The following PYM1 variants were observed in gnomAD, a reference collection of about 807,000 sequenced individuals.
PYM1 encodes the protein PYM1 exon junction complex associated factor.
PYM1 carries 7 observed loss-of-function variants against 20.7 expected under a neutral mutation model. That is an observed-to-expected ratio of 0.34 (90% CI 0.19 to 0.64). The LOEUF (loss-of-function observed/expected upper bound fraction) is 0.64. Ranked by LOEUF, PYM1 falls within the 30% of genes least tolerant of loss-of-function variation. The pLI, the probability that PYM1 is intolerant of heterozygous loss-of-function variation, is 0.74. For missense variants in PYM1, 194 were observed against 250.0 expected, an observed-to-expected ratio of 0.78 and a Z score of 1.51; for synonymous variants, 100 against 99.2, an observed-to-expected ratio of 1.01 and a Z score of -0.05.
intron 2 of PYM1, among the ~76,000 whole-genome samples, chr12:55,902,816 A>G (rs903165359): frequency 1.3e-4 from 17 of 133,844 alleles, no homozygotes; most frequent in African/African-American, 4.9e-4. Flanking sequence ...GCCAGGGCTG[A>G]AGTGCACTGG....
intron 1 of PYM1, among the ~76,000 whole-genome samples, chr12:55,905,164 G>A (rs967240145): frequency 2.7e-5 from 4 of 149,548 alleles, no homozygotes; most frequent in African/African-American, 9.8e-5. Flanking sequence ...ACCACACCTG[G>A]CTAATTTTTT....
intron 1 of PYM1, among the ~76,000 whole-genome samples, chr12:55,912,594 A>G (rs1039416617): frequency 6.6e-5 from 10 of 150,496 alleles, no homozygotes; most frequent in South Asian, 2.1e-4. Flanking sequence ...GAGGGGGGAA[A>G]AAAAAAAGGC....
chr12:55,919,673 A>ATG (rs1883065337), intron 1 of PYM1, among the ~76,000 whole-genome samples: 1 of 151,768 alleles, frequency 6.6e-6, no homozygotes, highest in Non-Finnish European at 1.5e-5. Context: ...CAAGGCAGGC[A>ATG]GATCACCTGA....
chr12:55,910,601 C>T (rs914245568), intron 1 of PYM1, among the ~76,000 whole-genome samples: 7 of 152,058 alleles, frequency 4.6e-5, no homozygotes, highest in Admixed American at 2.6e-4. Context: ...CACTACCACG[C>T]CCAGCTAATT....
chr12:55,914,456 A>G, intron 1 of PYM1: 1 of 666,016 alleles, frequency 1.5e-6, no homozygotes, highest in Non-Finnish European at 2.7e-6. Flanking sequence ...CTGCTACTGT[A>G]AGAATCTTTT....
At chr12:55,926,882 G>A (rs1054086510) in intron 1 of PYM1, among the ~76,000 whole-genome samples, 1 of 152,182 alleles carries the variant, frequency 6.6e-6, no homozygotes, top group Non-Finnish European at 1.5e-5. Context: ...TGGGTGACCG[G>A]AAGCAGAGAC....
chr12:55,926,969 G>A (rs890852672), intron 1 of PYM1: 2 of 1,200,188 alleles, frequency 1.7e-6, no homozygotes, highest in African/African-American at 1.5e-5. Context: ...TCCGGGGGGC[G>A]GGGCAAAGGA....
rs1391299970 is a variant in PYM1, at chr12:55,901,665, G to GA, written c.*206dup. On this transcript the variant is annotated 3_prime_UTR_variant, in exon 3 of 3. Transcript: ENST00000408946. ...CTGAGATTTTGAACACTGGGAATGGGAGGGGGAAAGTCCAAAAAGTAGAAG... is the reference window on the plus strand; with the variant it reads ...CTGAGATTTTGAACACTGGGAATGGGAAGGGGGAAAGTCCAAAAAGTAGAAG... 1.8e-5 allele frequency: 12 copies of GA among 650,864 alleles called. No individual in the cohort carries two copies. The highest frequency in any genetic ancestry group is 5.0e-6 in the Non-Finnish European group (2 of 402,484). 40.3% of individuals were successfully genotyped at this position (650,864 alleles called of 1,614,324 possible).
At chr12:55,915,841 A>AT (rs1882996691) in intron 1 of PYM1, among the ~76,000 whole-genome samples, 1 of 152,226 alleles carries the variant, frequency 6.6e-6, no homozygotes, top group Non-Finnish European at 1.5e-5. Context: ...GCAGGCAGAG[A>AT]AAAGGGAAAG....
At chr12:55,911,550 A>G (rs1882922968) in intron 1 of PYM1, among the ~76,000 whole-genome samples, 1 of 152,114 alleles carries the variant, frequency 6.6e-6, no homozygotes, top group Admixed American at 6.6e-5. Context: ...ATTGAAAAGT[A>G]AGTAACGAGG....
rs1882702962 is a variant in PYM1, at chr12:55,902,133, C to T, written c.354G>A (p.Leu118=). ...ALSRTLDKVS[L]EETAQLPSAP... is the part of the protein sequence containing the mutation. ...CACTGGGGAGTTGGGCTGTCTCTTC[C>T]AGGGACACCTTATCAAGAGTCCTGC... Residue 118 remains leucine (L), a synonymous_variant, in exon 3 of 3, where the codon CTG becomes CTA. Coordinates refer to ENST00000408946, the MANE Select transcript of PYM1 (RefSeq NM_032345.3). 1.2e-6 allele frequency: 2 copies of T among 1,614,128 alleles called. No homozygotes were observed. The highest frequency in any genetic ancestry group is 1.7e-6 in the Non-Finnish European group (2 of 1,180,028).
chr12:55,910,609 A>AT lies in PYM1; in HGVS notation c.38-7130dup, dbSNP rs1882906081. ...AGGAGCCCACTACCACGCCCAGCTA[A>AT]TTTTTTGTATTTTTAGTAGAGACAG... On this transcript the variant is annotated intron_variant, in intron 1 of 2. Transcript: ENST00000408946. 2.0e-5 allele frequency among the ~76,000 whole-genome samples: 3 copies of AT among 151,936 alleles called. No individual in the cohort carries two copies. In the South Asian group the frequency reaches 6.2e-4, roughly 32 times the overall value.
rs1399391305 is a variant in PYM1 at position 55,927,146 on chromosome 12, G to C, written c.37+579C>G. On this transcript the variant is annotated intron_variant, in intron 1 of 2. Transcript: ENST00000408946. The stretch of plus-strand genomic sequence containing the variant: ...AAACCACTTCCGGCGTGAGCGGGCT[G>C]GGGTCCCGCCCCCCTCCCCACCGGA... 8 of 1,551,426 alleles carry C rather than the reference G, an allele frequency of 5.2e-6. No homozygotes were observed. In the East Asian group the frequency reaches 1.5e-4, roughly 28 times the overall value.
intron 1 of PYM1, among the ~76,000 whole-genome samples, chr12:55,908,905 G>A (rs1423018169): frequency 2.0e-5 from 3 of 152,002 alleles, no homozygotes; most frequent in South Asian, 2.1e-4. Context: ...TGGGTGATTC[G>A]ACAGGTGGAG....
rs144519597 is a variant in PYM1 at position 55,916,001 on chromosome 12, T to C, written c.37+11724A>G. Among the ~76,000 whole-genome samples the C allele has an allele frequency of 2.4e-3, 363 of 152,296 alleles. 4 individuals are homozygous for C. Among genetic ancestry groups the C allele is most frequent in the Non-Finnish European group, 2.2e-3 (149 of 68,026 alleles). Reference sequence around the variant, plus strand: ...GTTAAATCTAAACGATAGATAGATATCATCATTTACAGCCAAGGAAACAGT... The same window carrying C: ...GTTAAATCTAAACGATAGATAGATACCATCATTTACAGCCAAGGAAACAGT... On this transcript the variant is annotated intron_variant, in intron 1 of 2. Transcript: ENST00000408946.
chr12:55,918,689 G>A (rs1883049126), intron 1 of PYM1, among the ~76,000 whole-genome samples: 2 of 152,002 alleles, frequency 1.3e-5, no homozygotes, highest in East Asian at 2.0e-4. Flanking sequence ...CCAACACGGT[G>A]AAACCCCGTC....
In PYM1 at chr12:55,902,183, C is replaced by G; in HGVS notation, c.304G>C (p.Glu102Gln). 1 of 1,614,162 alleles carries G rather than the reference C, an allele frequency of 6.2e-7. No homozygotes were observed. Among genetic ancestry groups the G allele is most frequent in the Non-Finnish European group, 8.5e-7 (1 of 1,180,028 alleles). The change falls in exon 3 of 3, where the codon GAG (glutamate) becomes CAG (glutamine). Residue 102 changes from glutamate to glutamine, a missense_variant. Physicochemically the swap from Glu to Gln is conservative, Grantham distance 29. Around this residue, in one of 3 missense-constraint regions of PYM1, gnomAD observed 158 missense variants for 179.0 expected, o/e 0.88. Transcript: ENST00000408946. ...CTCAAGGCCTCTGCCTCTCCTTTCT[C>G]TTGCTGCTGCCGCCTCTTCTCCTTT... is the stretch of plus-strand genomic sequence containing the variant. ...KRKEKRRQQQ[E>Q]KGEAEALSRT...
At chr12:55,909,526 C>A (rs1253123657) in intron 1 of PYM1, among the ~76,000 whole-genome samples, 10 of 151,218 alleles carry the variant, frequency 6.6e-5, no homozygotes, top group Non-Finnish European at 1.3e-4. Flanking sequence ...TGAATGAATC[C>A]TTTATACAAA....
In PYM1 at chr12:55,901,839, G is replaced by T. The variant is rs763666386; in HGVS notation, c.*33C>A. On this transcript the variant is annotated 3_prime_UTR_variant, in exon 3 of 3. Coordinates refer to ENST00000408946, the MANE Select transcript of PYM1 (RefSeq NM_032345.3). ...CAGACCCCAGAGAGCCCCACGGTTT[G>T]TTCTGCAGTCCATTCCCTATTCCCC... 2 of 1,567,072 alleles carry T rather than the reference G, an allele frequency of 1.3e-6. No individual in the cohort carries two copies. The highest frequency in any genetic ancestry group is 2.4e-5 in the South Asian group (2 of 83,920).
Sources: gnomAD v4.1 joint callset for allele counts (sites outside exome capture counted in the v4.1 genomes callset) on GRCh38, gnomAD v4.1.1 for gene constraint, gnomAD v4.1.1 regional missense constraint, MANE v1.5 for transcripts, NCBI Gene and HGNC (gene_info 2026-07-23, HGNC 2026-07-21) for gene names.